RNF212B: variants seen among roughly 807,000 people sequenced by gnomAD.
RNF212B encodes the protein ring finger protein 212B.
A neutral mutation model predicts 55.5 loss-of-function variants in RNF212B; 52 were observed. The observed-to-expected ratio is 0.94, with a 90% CI of 0.75 to 1.18. RNF212B has a LOEUF of 1.18. Ranked by LOEUF, RNF212B falls within the 50% of genes most tolerant of loss-of-function variation. The probability of loss-of-function intolerance (pLI) is 0.00; values close to 1 mark genes in which losing one functional copy is unlikely to be tolerated. For missense variants in RNF212B, 289 were observed against 350.4 expected (o/e 0.82, Z 1.40); for synonymous variants, 99 against 121.4 (o/e 0.82, Z 1.21).
At chr14:23,229,220 T>TTC (rs1183907201) in intron 2 of RNF212B, among the ~76,000 whole-genome samples, 1 of 65,036 alleles carries the variant, frequency 1.5e-5, no homozygotes, top group Admixed American at 2.1e-4. Flanking sequence ...GAATAATATT[T>TTC]TATATATATA....
chr14:23,248,952 A>C (rs1223680665), intron 4 of RNF212B, among the ~76,000 whole-genome samples: 1 of 152,176 alleles, frequency 6.6e-6, no homozygotes, highest in East Asian at 1.9e-4. Flanking sequence ...GCTGCTACCC[A>C]ACTCTGCTGT....
chr14:23,229,224 A>T (rs1194742656), intron 2 of RNF212B, among the ~76,000 whole-genome samples: 7 of 40,676 alleles, frequency 1.7e-4, no homozygotes, highest in Non-Finnish European at 3.6e-4. Context: ...AATATTTTAT[A>T]TATATATATA....
intron 2 of RNF212B, among the ~76,000 whole-genome samples, chr14:23,215,315 TA>T (rs1880959795): frequency 1.3e-5 from 2 of 152,184 alleles, no homozygotes; most frequent in Admixed American, 1.3e-4. Context: ...CTTTTCTTTA[TA>T]AATTTCCCAG....
intron 2 of RNF212B, among the ~76,000 whole-genome samples, chr14:23,230,861 G>A (rs550522019): frequency 6.6e-6 from 1 of 152,170 alleles, no homozygotes; most frequent in East Asian, 1.9e-4. Flanking sequence ...AGCACTGTTT[G>A]TTGCAGAGAC....
At chr14:23,208,951 G>A (rs1207601467) in intron 2 of RNF212B, among the ~76,000 whole-genome samples, 4 of 151,018 alleles carry the variant, frequency 2.6e-5, no homozygotes, top group Non-Finnish European at 5.9e-5. Flanking sequence ...GTAGAGACGG[G>A]GTTTCATCGT....
intron 11 of RNF212B, among the ~76,000 whole-genome samples, chr14:23,266,367 T>C (rs1332967557): frequency 2.6e-5 from 4 of 151,890 alleles, no homozygotes; most frequent in East Asian, 1.9e-4. Flanking sequence ...CCTACTGTTA[T>C]TGATTTTGAC....
Position 23,211,171 on chromosome 14 carries a change from T to C in RNF212B, c.-2+17770T>C, listed in dbSNP as rs189966144. On this transcript the variant is annotated intron_variant, in intron 2 of 15. Transcript: ENST00000399910. ...AGGTGAAAGTTGTGGTGAGCTGAGA[T>C]TGCACCACTGCCCTCCAGCCTGGGC... Among the ~76,000 whole-genome samples the C allele has an allele frequency of 4.0e-5, 6 of 151,070 alleles. No individual in the cohort carries two copies. The East Asian group carries it at 7.8e-4, about 20-fold the overall frequency.
At chr14:23,197,974 C>T (rs58145978) in intron 2 of RNF212B, among the ~76,000 whole-genome samples, 12,194 of 150,362 alleles carry the variant, frequency 0.081, 601 homozygotes, top group African/African-American at 0.13. Context: ...TTCTTAAGGG[C>T]GGGGGAGATT....
intron 2 of RNF212B, among the ~76,000 whole-genome samples, chr14:23,213,917 A>G (rs1462476771): frequency 6.6e-6 from 1 of 152,210 alleles, no homozygotes; most frequent in African/African-American, 2.4e-5. Context: ...CTAACATTTC[A>G]GTGTTACATA....
chr14:23,226,184 G>A (rs897913836), intron 2 of RNF212B, among the ~76,000 whole-genome samples: 1 of 150,722 alleles, frequency 6.6e-6, no homozygotes, highest in African/African-American at 2.4e-5. Context: ...TGTAATCCCA[G>A]TTACTCGGGA....
At position 23,247,123 on chromosome 14, in the gene RNF212B, C is replaced by T. The variant is rs184363458; in HGVS notation, c.228+2727C>T. Among the ~76,000 whole-genome samples the T allele has an allele frequency of 1.0e-3, 149 of 145,810 alleles. 1 individual carries two copies. The highest frequency in any genetic ancestry group is 6.4e-3 in the East Asian group (32 of 4,982). On this transcript the variant is annotated intron_variant, in intron 4 of 14. Coordinates refer to ENST00000430154, the MANE Select transcript of RNF212B (RefSeq NM_001282322.3). ...CCATTGCACTCCAGCCTGGGCAACA[C>T]GAGCAAAACTCCATCTCAAAAAAAA... is the stretch of plus-strand genomic sequence containing the variant.
At chr14:23,197,408 T>C (rs901664192) in intron 2 of RNF212B, among the ~76,000 whole-genome samples, 3 of 152,174 alleles carry the variant, frequency 2.0e-5, no homozygotes, top group African/African-American at 7.2e-5. Context: ...ATGCCTGTAG[T>C]CCCAGCTACT....
chr14:23,259,944 G>C lies in RNF212B; in HGVS notation c.405G>C (p.Lys135Asn), dbSNP rs1885174517. The C allele has an allele frequency of 2.1e-6, 3 of 1,446,354 alleles. No individual in the cohort carries two copies. The highest frequency in any genetic ancestry group is 2.8e-6 in the Non-Finnish European group (3 of 1,070,126). The allele number at this position is 1,446,354 out of a possible 1,614,324, so 89.6% of individuals were successfully genotyped here. Residue 135 changes from lysine (K) to asparagine (N), a missense_variant and splice_region_variant, in exon 6 of 15, where the codon AAG becomes AAC. Lys to Asn is a moderately conservative substitution (Grantham distance 94). Coordinates refer to ENST00000430154, the MANE Select transcript of RNF212B (RefSeq NM_001282322.3). ...TGAAGAAATTTCTAGCCATTCTAAAGGTGAATGAAATAGATTTTCCTTATT... is the reference window on the plus strand; with the variant it reads ...TGAAGAAATTTCTAGCCATTCTAAACGTGAATGAAATAGATTTTCCTTATT... ...GELKKFLAIL[K>N]ESPSRYQGSR...
At chr14:23,233,239 A>G (rs555623538), upstream of RNF212B, among the ~76,000 whole-genome samples, 1 of 152,218 alleles carries the variant, frequency 6.6e-6, no homozygotes, top group South Asian at 2.1e-4. Flanking sequence ...ACCACTCCCT[A>G]ATCTCAAGTA....
Position 23,269,947 on chromosome 14 carries a change from C to T in RNF212B, c.759C>T (p.Thr253=), listed in dbSNP as rs1262713309. 5 of 1,538,510 alleles carry T rather than the reference C, an allele frequency of 3.2e-6. No individual in the cohort carries two copies. The highest frequency in any genetic ancestry group is 2.7e-5 in the African/African-American group (2 of 72,784). ...NGHSGHTRVL[T]PNNFAQREST... ...ATTCAGGCCACACAAGAGTCCTCAC[C>T]CCCAACAATTTTGGTAAGTTAAATA... The change falls in exon 13 of 15, where the codon ACC becomes ACT. Residue 253 remains threonine (T), a synonymous_variant. Coordinates refer to ENST00000430154, the MANE Select transcript of RNF212B (RefSeq NM_001282322.3).
intron 2 of RNF212B, among the ~76,000 whole-genome samples, chr14:23,196,236 C>T (rs1485096721): frequency 6.6e-6 from 1 of 152,102 alleles, no homozygotes; most frequent in Non-Finnish European, 1.5e-5. Flanking sequence ...TTGTAACTAC[C>T]AATCCTCTGA....
At position 23,248,230 on chromosome 14, in the gene RNF212B, C is replaced by T. The variant is rs1009310625; in HGVS notation, c.228+3834C>T. On this transcript the variant is annotated intron_variant, in intron 4 of 14. Coordinates refer to ENST00000430154, the MANE Select transcript of RNF212B (RefSeq NM_001282322.3). Reference sequence around the variant, plus strand: ...GCAGCCTTGCCCTCTTGAGCTCAGGCGATCCTCTCACCTCACCCTCCCAGG... The same window carrying T: ...GCAGCCTTGCCCTCTTGAGCTCAGGTGATCCTCTCACCTCACCCTCCCAGG... 7.9e-5 allele frequency among the ~76,000 whole-genome samples: 12 copies of T among 151,738 alleles called. 1 individual carries two copies. The highest frequency in any genetic ancestry group is 6.3e-4 in the South Asian group (3 of 4,790).
At chr14:23,250,243 G>C (rs1397823133) in intron 4 of RNF212B, among the ~76,000 whole-genome samples, 1 of 152,144 alleles carries the variant, frequency 6.6e-6, no homozygotes, top group Non-Finnish European at 1.5e-5. Flanking sequence ...ACTTTTGGAG[G>C]CTGAGGGGGT....
intron 4 of RNF212B, among the ~76,000 whole-genome samples, chr14:23,245,942 ATGT>A (rs920736212): frequency 2.4e-4 from 37 of 152,284 alleles, no homozygotes; most frequent in African/African-American, 8.7e-4. Flanking sequence ...AATGAATGGA[ATGT>A]TGTTGTAAAT....
Sources: gnomAD v4.1 joint callset for allele counts (sites outside exome capture counted in the v4.1 genomes callset) on GRCh38, gnomAD v4.1.1 for gene constraint, MANE v1.5 for transcripts, NCBI Gene and HGNC (gene_info 2026-07-23, HGNC 2026-07-21) for gene names.